FUT1: variants seen among roughly 807,000 people sequenced by gnomAD.
FUT1 encodes the protein fucosyltransferase 1 (H blood group).
For missense variants in FUT1, 476 were observed against 492.7 expected, an observed-to-expected ratio of 0.97 and a Z score of 0.32; for synonymous variants, 215 against 208.7, an observed-to-expected ratio of 1.03 and a Z score of -0.26.
Position 48,750,239 on chromosome 19 carries a change from T to G in FUT1, c.1043A>C (p.Glu348Ala), listed in dbSNP as rs1240976212. Residue 348 changes from glutamate to alanine, a missense_variant, in exon 2 of 2, where the codon GAG becomes GCG. Coordinates refer to ENST00000645652, the MANE Select transcript of FUT1 (RefSeq NM_001384359.1). Reference sequence around the variant, plus strand: ...CAAGTCTGCATTAATGCCCACCCACTCGGGCAGGAAGGCCGCCTCCGGCTT... The same window carrying G: ...CAAGTCTGCATTAATGCCCACCCACGCGGGCAGGAAGGCCGCCTCCGGCTT... ...IFKPEAAFLP[E>A]WVGINADLSP... is the part of the protein sequence containing the mutation. 2.5e-6 allele frequency: 4 copies of G among 1,613,290 alleles called. No individual in the cohort carries two copies. The highest frequency in any genetic ancestry group is 4.5e-5 in the East Asian group (2 of 44,874).
intron 1 of FUT1, among the ~76,000 whole-genome samples, chr19:48,751,792 A>G (rs2034006951): frequency 6.6e-6 from 1 of 152,110 alleles, no homozygotes; most frequent in South Asian, 2.1e-4. Context: ...TCTCTACTTA[A>G]AATACAAAAT....
At position 48,751,088 on chromosome 19, in the gene FUT1, T is replaced by C. The variant is rs753532548; in HGVS notation, c.194A>G (p.Asn65Ser). ...FCLPGTAMGP[N>S]ASSSCPQHPA... ...GTGCTGGGGACAGGAAGAGGAGGCG[T>C]TGGGGCCCATCGCAGTACCCGGCAG... is the stretch of plus-strand genomic sequence containing the variant. The change falls in exon 2 of 2, where the codon AAC becomes AGC. Residue 65 changes from asparagine to serine, a missense_variant. By Grantham distance (46) the Asn-to-Ser change is conservative. Transcript: ENST00000645652. The C allele has an allele frequency of 5.0e-6, 8 of 1,611,516 alleles. No individual in the cohort carries two copies. Among genetic ancestry groups the C allele is most frequent in the South Asian group, 4.4e-5 (4 of 90,996 alleles).
Position 48,750,656 on chromosome 19 carries a change from T to G in FUT1, c.626A>C (p.Asp209Ala), listed in dbSNP as rs760165583. ...GACGCCGACAAAGGTGCGCGGGCGG[T>G]CCCCTGTGCGGCCCAGGCGGAGCTG... is the stretch of plus-strand genomic sequence containing the variant. ...LGQLRLGRTG[D>A]RPRTFVGVHV... is the part of the protein sequence containing the mutation. Residue 209 changes from aspartate (D) to alanine (A), a missense_variant, in exon 2 of 2, where the codon GAC (aspartate) becomes GCC (alanine). By Grantham distance (126) the Asp-to-Ala change is moderately radical (BLOSUM62 -2). Coordinates refer to ENST00000645652, the MANE Select transcript of FUT1 (RefSeq NM_001384359.1). The G allele has an allele frequency of 2.5e-6, 4 of 1,612,714 alleles. No individual in the cohort carries two copies. The highest frequency in any genetic ancestry group is 3.3e-5 in the Admixed American group (2 of 60,024).
At chr19:48,751,478 A>G (rs1175276676) in intron 1 of FUT1, among the ~76,000 whole-genome samples, 195 bp from the exon 2 acceptor site, 2 of 152,020 alleles carry the variant, frequency 1.3e-5, no homozygotes, top group African/African-American at 4.8e-5. Context: ...GAGCCTTGGA[A>G]TTTCGGGGCA....
At chr19:48,753,736 G>T, upstream of FUT1, 1 of 154,092 alleles carries the variant, frequency 6.5e-6, no homozygotes, top group South Asian at 1.7e-4. Context: ...AGGATAAGGA[G>T]GGTGAGTCGT....
chr19:48,750,324 C>A lies in FUT1; in HGVS notation c.958G>T (p.Gly320Ter). ...FGFWAAYLAG[G>*]DTVYLANFTL... ...AAGTTGGCCAGGTAGACAGTGTCTC[C>A]GCCAGCCAGGTAGGCAGCCCAGAAG... Residue 320 changes from glycine to a stop codon, truncating the protein, a stop_gained, in exon 2 of 2, where the codon GGA becomes TGA. Coordinates refer to ENST00000645652, the MANE Select transcript of FUT1 (RefSeq NM_001384359.1). LOFTEE classifies it high-confidence loss of function. 6.2e-7 allele frequency: 1 copy of A among 1,614,190 alleles called. No homozygotes were observed. The highest frequency in any genetic ancestry group is 8.5e-7 in the Non-Finnish European group (1 of 1,180,042).
Position 48,750,294 on chromosome 19 carries a change from G to C in FUT1, c.988C>G (p.Leu330Val), listed in dbSNP as rs775829467. 3 of 1,614,210 alleles carry C rather than the reference G, an allele frequency of 1.9e-6. No individual in the cohort carries two copies. Among genetic ancestry groups the C allele is most frequent in the Non-Finnish European group, 2.5e-6 (3 of 1,180,042 alleles). Residue 330 changes from leucine to valine, a missense_variant, in exon 2 of 2, where the codon CTG becomes GTG. By Grantham distance (32) the Leu-to-Val change is conservative. Transcript: ENST00000645652. The part of the protein sequence containing the change: ...GDTVYLANFT[L>V]PDSEFLKIFK... ...ATCTTCAGGAACTCAGAGTCTGGCA[G>C]GGTGAAGTTGGCCAGGTAGACAGTG... is the stretch of plus-strand genomic sequence containing the variant.
chr19:48,752,511 G>T lies in FUT1; in HGVS notation c.-24C>A. On this transcript the variant is annotated 5_prime_UTR_variant, in exon 1 of 2. In the 5' UTR this introduces an upstream ATG that the reference lacks. Transcript: ENST00000645652. The surrounding 1 kb of genome is among the most constrained non-coding windows in gnomAD (Gnocchi z 4.3). Reference sequence around the variant, plus strand: ...TTACCCGAGCTGCTTGCAGGTGGCAGATCCACAGTCCGCTTTTCGTGGCCG... The same window carrying T: ...TTACCCGAGCTGCTTGCAGGTGGCATATCCACAGTCCGCTTTTCGTGGCCG... 1.0e-6 allele frequency: 1 copy of T among 985,510 alleles called. No individual in the cohort carries two copies. Among genetic ancestry groups the T allele is most frequent in the South Asian group, 4.7e-5 (1 of 21,284 alleles). The allele number at this position is 985,510 out of a possible 1,614,324, so 61.0% of individuals were successfully genotyped here.
At position 48,752,569 on chromosome 19, in the gene FUT1, G is replaced by T. The variant is rs28400009; in HGVS notation, c.-82C>A. 3.6e-5 allele frequency: 35 copies of T among 985,468 alleles called. No homozygotes were observed. The highest frequency in any genetic ancestry group is 4.0e-5 in the Non-Finnish European group (33 of 829,946). The allele number at this position is 985,468 out of a possible 1,614,324, so 61.0% of individuals were successfully genotyped here. A position where few individuals can be genotyped will look rare whatever the true frequency, so the allele number is the denominator to read the frequency against. On this transcript the variant is annotated 5_prime_UTR_variant, in exon 1 of 2. Coordinates refer to ENST00000645652, the MANE Select transcript of FUT1 (RefSeq NM_001384359.1). The surrounding 1 kb of genome is among the most constrained non-coding windows in gnomAD (Gnocchi z 4.3). ...CCCTCCGCAAAGGCAGGCCACATCCGGCCGCCCCTGGAACGCCAGGCGTCC... is the reference window on the plus strand; with the variant it reads ...CCCTCCGCAAAGGCAGGCCACATCCTGCCGCCCCTGGAACGCCAGGCGTCC...
rs541465857 is a variant in FUT1, at chr19:48,752,335, G to A, written c.-3+155C>T. Among the ~76,000 whole-genome samples, 2 of 152,104 alleles carry A rather than the reference G, an allele frequency of 1.3e-5. No homozygotes were observed. The highest frequency in any genetic ancestry group is 2.9e-5 in the Non-Finnish European group (2 of 68,018). On this transcript the variant is annotated intron_variant, in intron 1 of 1. Transcript: ENST00000645652. The surrounding 1 kb of genome is among the most constrained non-coding windows in gnomAD (Gnocchi z 4.3). ...GGCTGGAGGGTCAGGAGCGGAAGGA[G>A]CATCTTGGTTCCTGGAGGAGTAATG...
Position 48,750,949 on chromosome 19 carries a change from A to G in FUT1, c.333T>C (p.Phe111=), listed in dbSNP as rs762002514. ...GGGCGGCATGCATGGCAGGCAGGAT[A>G]AAGGCCCGGCGGCCGTTGAGCTGGG... ...ALAQLNGRRA[F]ILPAMHAALA... Residue 111 remains phenylalanine, a synonymous_variant, in exon 2 of 2, where the codon TTT becomes TTC. Coordinates refer to ENST00000645652, the MANE Select transcript of FUT1 (RefSeq NM_001384359.1). 18 of 1,607,890 alleles carry G rather than the reference A, an allele frequency of 1.1e-5. No homozygotes were observed. The East Asian group carries it at 4.0e-4, about 36-fold the overall frequency.
chr19:48,753,085 G>C (rs964634687), upstream of FUT1: 15 of 177,798 alleles, frequency 8.4e-5, no homozygotes, highest in Non-Finnish European at 1.2e-4. Context: ...ACCTGGTCCC[G>C]GCGAGTGGAG....
rs550002391 is a variant in FUT1 at position 48,750,430 on chromosome 19, A to G, written c.852T>C (p.Asp284=). 73 of 1,614,240 alleles carry G rather than the reference A, an allele frequency of 4.5e-5. 2 individuals carry two copies. In the South Asian group the frequency reaches 7.9e-4, roughly 17 times the overall value. The change falls in exon 2 of 2, where the codon GAT becomes GAC. Residue 284 remains aspartate (D), a synonymous_variant. Coordinates refer to ENST00000645652, the MANE Select transcript of FUT1 (RefSeq NM_001384359.1). ...CTTTCCACGGTGTAGCCTCCTGTCC[A>G]TCGCCAGCAAACGTCACATCGCCCT... ...TSQGDVTFAG[D]GQEATPWKDF...
chr19:48,751,125 C>T lies in FUT1; in HGVS notation c.157G>A (p.Ala53Thr). The change falls in exon 2 of 2, where the codon GCC becomes ACC. Residue 53 changes from alanine to threonine, a missense_variant. By Grantham distance (58) the Ala-to-Thr change is moderately conservative. Transcript: ENST00000645652. ...GCAGTACCCGGCAGGCAGAAGATGGCCACTGGGGGTGTCACCAGGCGGCGG... is the reference window on the plus strand; with the variant it reads ...GCAGTACCCGGCAGGCAGAAGATGGTCACTGGGGGTGTCACCAGGCGGCGG... ...PDRRLVTPPV[A>T]IFCLPGTAMG... The T allele has an allele frequency of 1.9e-6, 3 of 1,613,686 alleles. No homozygotes were observed. Among genetic ancestry groups the T allele is most frequent in the Non-Finnish European group, 2.5e-6 (3 of 1,179,740 alleles).
Position 48,752,109 on chromosome 19 carries a change from T to TAAAAAAAAAAAAAAAA in FUT1, c.-3+365_-3+380dup, listed in dbSNP as rs71179040. Reference sequence around the variant, plus strand: ...TGCGCGACAGAGAGGGACCCTGTCTTAAAAAAAAAAAAAAAAAAAAAAAAA... The same window carrying TAAAAAAAAAAAAAAAA: ...TGCGCGACAGAGAGGGACCCTGTCTTAAAAAAAAAAAAAAAAAAAAAAAAAAAAAAAAAAAAAAAAA... On this transcript the variant is annotated intron_variant, in intron 1 of 1. Coordinates refer to ENST00000645652, the MANE Select transcript of FUT1 (RefSeq NM_001384359.1). The surrounding 1 kb of genome is among the most constrained non-coding windows in gnomAD (Gnocchi z 4.3). Among the ~76,000 whole-genome samples, 2 of 100,150 alleles carry TAAAAAAAAAAAAAAAA rather than the reference T, an allele frequency of 2.0e-5. No individual in the cohort carries two copies. The highest frequency in any genetic ancestry group is 7.8e-5 in the African/African-American group (2 of 25,496). 65.7% of individuals were successfully genotyped at this position (100,150 alleles called of 152,430 possible).
chr19:48,750,605 T>C lies in FUT1; in HGVS notation c.677A>G (p.Gln226Arg), dbSNP rs989654136. 3 of 1,611,350 alleles carry C rather than the reference T, an allele frequency of 1.9e-6. No individual in the cohort carries two copies. Among genetic ancestry groups the C allele is most frequent in the African/African-American group, 2.7e-5 (2 of 74,946 alleles). Residue 226 changes from glutamine (Q) to arginine (R), a missense_variant, in exon 2 of 2, where the codon CAG becomes CGG. Physicochemically the swap from Gln to Arg is conservative, Grantham distance 43 (BLOSUM62 1). Transcript: ENST00000645652. ...ACCCTTCCAGCGCTGAGGCATAACC[T>C]GCAGATAGTCCCCACGGCGCACGTG... ...GVHVRRGDYLQVMPQRWKGVV... is the reference protein window; with the variant it reads ...GVHVRRGDYLRVMPQRWKGVV...
In FUT1 at chr19:48,750,190, C is replaced by T; in HGVS notation, c.1092G>A (p.Lys364=). The change falls in exon 2 of 2, where the codon AAG becomes AAA. Residue 364 remains lysine, a synonymous_variant. Coordinates refer to ENST00000645652, the MANE Select transcript of FUT1 (RefSeq NM_001384359.1). ...CAGAAAGTCTCCCTGGCTCTCAAGG[C>T]TTAGCCAATGTCCAGAGTGGAGACA... is the stretch of plus-strand genomic sequence containing the variant. ...ADLSPLWTLA[K]P is the part of the protein sequence containing the mutation. The T allele has an allele frequency of 1.9e-6, 3 of 1,609,024 alleles. No homozygotes were observed. Among genetic ancestry groups the T allele is most frequent in the Non-Finnish European group, 2.5e-6 (3 of 1,177,768 alleles).
chr19:48,750,551 T>C lies in FUT1; in HGVS notation c.731A>G (p.Gln244Arg). ...CCGTGCCCGGAACCAGTCCATGGCC[T>C]GCCGGAGGTAGGCGCTGTCGCCCAC... Reference protein sequence around the residue: ...GVVGDSAYLRQAMDWFRARHE... With the variant: ...GVVGDSAYLRRAMDWFRARHE... The change falls in exon 2 of 2, where the codon CAG (glutamine) becomes CGG (arginine). Residue 244 changes from glutamine (Q) to arginine (R), a missense_variant. Coordinates refer to ENST00000645652, the MANE Select transcript of FUT1 (RefSeq NM_001384359.1). The C allele has an allele frequency of 6.2e-7, 1 of 1,612,792 alleles. No individual in the cohort carries two copies. The highest frequency in any genetic ancestry group is 8.5e-7 in the Non-Finnish European group (1 of 1,180,018).
At position 48,750,382 on chromosome 19, in the gene FUT1, G is replaced by C; in HGVS notation, c.900C>G (p.Cys300Trp). Residue 300 changes from cysteine (C) to tryptophan (W), a missense_variant, in exon 2 of 2, where the codon TGC (cysteine) becomes TGG (tryptophan). By Grantham distance (215) the Cys-to-Trp change is radical. Transcript: ENST00000645652. ...TGCCAATGGTCATAATGGTGTGGTT[G>C]CACTGTGTGAGCAGGGCAAAGTCTT... ...PWKDFALLTQCNHTIMTIGTF... is the reference protein window; with the variant it reads ...PWKDFALLTQWNHTIMTIGTF... 6.2e-7 allele frequency: 1 copy of C among 1,614,248 alleles called. No individual in the cohort carries two copies. Among genetic ancestry groups the C allele is most frequent in the Non-Finnish European group, 8.5e-7 (1 of 1,180,050 alleles).
Sources: gnomAD v4.1 joint callset for allele counts (sites outside exome capture counted in the v4.1 genomes callset) on GRCh38, gnomAD v4.1.1 for gene constraint, Gnocchi (gnomAD v3.1) non-coding constraint, MANE v1.5 for transcripts, NCBI Gene and HGNC (gene_info 2026-07-23, HGNC 2026-07-21) for gene names.